CNTNAP5: variants seen among roughly 807,000 people sequenced by gnomAD.
The protein encoded by CNTNAP5 is contactin-associated protein-like 5.
A neutral mutation model predicts 150.2 loss-of-function variants in CNTNAP5; 72 were observed. The ratio of observed to expected loss-of-function variants is 0.48; its 90% CI spans 0.40 to 0.58. The LOEUF (loss-of-function observed/expected upper bound fraction) is 0.58. Among genes scored for constraint, CNTNAP5 ranks in the 20% least tolerant of loss-of-function variants. CNTNAP5 has a pLI of 0.00. For synonymous variants in CNTNAP5, 672 were observed against 619.8 expected (o/e 1.08, Z -1.25); for missense variants, 1,636 against 1,626.2 (o/e 1.01, Z -0.10).
At chr2:124,612,338 T>G (rs1380989953) in intron 12 of CNTNAP5, among the ~76,000 whole-genome samples, 1 of 152,166 alleles carries the variant, frequency 6.6e-6, no homozygotes, top group African/African-American at 2.4e-5. Flanking sequence ...ACATTTAAAT[T>G]ATAAATTTTA....
At chr2:124,557,165 A>G (rs1433753154) in intron 10 of CNTNAP5, among the ~76,000 whole-genome samples, 1 of 152,148 alleles carries the variant, frequency 6.6e-6, no homozygotes, top group Non-Finnish European at 1.5e-5. Context: ...AAGGAATTGC[A>G]TTACTGACTT....
chr2:124,069,574 T>A (rs1328519451), intron 1 of CNTNAP5, among the ~76,000 whole-genome samples: 1 of 152,116 alleles, frequency 6.6e-6, no homozygotes, highest in Non-Finnish European at 1.5e-5. Context: ...TGAACCAGGA[T>A]AATTTCAGTG....
chr2:124,913,875 G>A (rs901021735), intron 23 of CNTNAP5, among the ~76,000 whole-genome samples: 3 of 151,984 alleles, frequency 2.0e-5, no homozygotes, highest in Admixed American at 6.6e-5. Context: ...AGTGTCTCTC[G>A]CCCCCAGTTA....
chr2:124,781,835 T>G (rs1681459471), intron 17 of CNTNAP5, among the ~76,000 whole-genome samples: 1 of 152,174 alleles, frequency 6.6e-6, no homozygotes, highest in Admixed American at 6.5e-5. Context: ...TTTTCTACCT[T>G]TTATCTCCCA....
chr2:124,230,771 A>T (rs1686596226), intron 2 of CNTNAP5, among the ~76,000 whole-genome samples: 1 of 152,028 alleles, frequency 6.6e-6, no homozygotes, highest in South Asian at 2.1e-4. Flanking sequence ...ACCTTAGGTG[A>T]TCCACCTGCC....
intron 16 of CNTNAP5, among the ~76,000 whole-genome samples, chr2:124,764,760 T>G (rs1370619799): frequency 6.6e-6 from 1 of 152,154 alleles, no homozygotes; most frequent in Non-Finnish European, 1.5e-5. Context: ...ATGGTGACAT[T>G]TCCTATAATT....
At chr2:124,202,523 G>C (rs1406723049) in intron 1 of CNTNAP5, among the ~76,000 whole-genome samples, 1 of 152,164 alleles carries the variant, frequency 6.6e-6, no homozygotes, top group African/African-American at 2.4e-5. Flanking sequence ...CCAACTTCAG[G>C]AGTGAAGTCT....
intron 6 of CNTNAP5, among the ~76,000 whole-genome samples, chr2:124,447,338 C>T (rs1362566193): frequency 1.3e-5 from 2 of 152,114 alleles, no homozygotes; most frequent in Non-Finnish European, 2.9e-5. Context: ...AACCTGCAGT[C>T]GAGACTACCC....
chr2:124,563,921 C>A (rs1695950158), intron 11 of CNTNAP5, among the ~76,000 whole-genome samples: 1 of 152,188 alleles, frequency 6.6e-6, no homozygotes, highest in South Asian at 2.1e-4. Flanking sequence ...ATTCCACTGG[C>A]CAAATAAAGC....
rs564640723 is a variant in CNTNAP5 at position 124,594,453 on chromosome 2, G to A, written c.1757-15348G>A. ...TCAAAGATCAGATAGTTGTAGGTAA[G>A]TGGTGTTATTTCTGAGGACTCTGTT... On this transcript the variant is annotated intron_variant, in intron 11 of 23. Transcript: ENST00000682447. 3.4e-4 allele frequency among the ~76,000 whole-genome samples: 52 copies of A among 152,234 alleles called. 1 individual carries two copies. The highest frequency in any genetic ancestry group is 7.3e-5 in the Non-Finnish European group (5 of 68,032).
intron 3 of CNTNAP5, among the ~76,000 whole-genome samples, chr2:124,268,786 G>A (rs1254932924): frequency 6.6e-6 from 1 of 152,140 alleles, no homozygotes; most frequent in African/African-American, 2.4e-5. Flanking sequence ...CACTGGTCTT[G>A]TGGCCTGGCC....
intron 14 of CNTNAP5, among the ~76,000 whole-genome samples, chr2:124,763,122 C>T (rs1680992962): frequency 1.3e-5 from 2 of 151,754 alleles, no homozygotes; most frequent in Non-Finnish European, 2.9e-5. Context: ...AAAACAAAGC[C>T]AGAGTCACTA....
intron 2 of CNTNAP5, among the ~76,000 whole-genome samples, chr2:124,230,361 T>C (rs988543624): frequency 1.1e-4 from 16 of 152,248 alleles, no homozygotes; most frequent in African/African-American, 3.9e-4. Flanking sequence ...GGGAAAATCC[T>C]GGGAACCCAA....
chr2:124,768,652 G>A (rs1681120837), intron 16 of CNTNAP5, among the ~76,000 whole-genome samples: 1 of 152,102 alleles, frequency 6.6e-6, no homozygotes, highest in South Asian at 2.1e-4. Context: ...CCTAGAGAGG[G>A]GAAGTGGCAA....
chr2:124,034,960 T>C (rs560069303), intron 1 of CNTNAP5, among the ~76,000 whole-genome samples: 120 of 152,194 alleles, frequency 7.9e-4, no homozygotes, highest in Non-Finnish European at 1.4e-3. Context: ...TGCATCATGA[T>C]GAGTTATTAA....
At chr2:124,096,416 C>T (rs1243755115) in intron 1 of CNTNAP5, among the ~76,000 whole-genome samples, 1 of 152,080 alleles carries the variant, frequency 6.6e-6, no homozygotes, top group Non-Finnish European at 1.5e-5. Flanking sequence ...TTTTCAATAG[C>T]TCCTTCTTGC....
chr2:124,909,078 A>G (rs1386496217), intron 22 of CNTNAP5, among the ~76,000 whole-genome samples: 2 of 152,288 alleles, frequency 1.3e-5, no homozygotes, highest in African/African-American at 2.4e-5. Context: ...GTAGCCTAAG[A>G]GTAAAGTGTT....
chr2:124,470,932 G>A (rs1461893613), intron 6 of CNTNAP5, among the ~76,000 whole-genome samples: 4 of 151,944 alleles, frequency 2.6e-5, no homozygotes, highest in Non-Finnish European at 4.4e-5. Flanking sequence ...TGGTCTGTGT[G>A]TCTGTTCTTA....
rs1421380744 is a variant in CNTNAP5, at chr2:124,911,544, C to CAATTCA, written c.3727+7_3727+12dup. The CAATTCA allele has an allele frequency of 6.3e-7, 1 of 1,586,266 alleles. No individual in the cohort carries two copies. On this transcript the variant is annotated splice_region_variant and intron_variant, in intron 23 of 23. Transcript: ENST00000682447. ...TGATTCGGCAGTCATCGGAGGTAAA[C>CAATTCA]AATTCATTGTTGTTGAATGCAAAAA...
Sources: allele counts gnomAD v4.1 joint callset (sites outside exome capture counted in the v4.1 genomes callset), GRCh38; gene constraint gnomAD v4.1.1; transcripts MANE v1.5; gene names NCBI Gene and HGNC (gene_info 2026-07-23, HGNC 2026-07-21).